The following GSTM2 variants were observed in gnomAD, a reference collection of about 807,000 sequenced individuals.
The protein encoded by GSTM2 is glutathione S-transferase mu 2.
A neutral mutation model predicts 33.3 loss-of-function variants in GSTM2; 33 were observed. The ratio of observed to expected loss-of-function variants is 0.99; its 90% CI spans 0.75 to 1.33. GSTM2 has a LOEUF of 1.33. Ranked by LOEUF, GSTM2 falls within the 40% of genes most tolerant of loss-of-function variation. The pLI, the probability that GSTM2 is intolerant of heterozygous loss-of-function variation, is 0.00. For missense variants in GSTM2, 213 were observed against 265.8 expected, an observed-to-expected ratio of 0.80 and a Z score of 1.38; for synonymous variants, 93 against 95.6, an observed-to-expected ratio of 0.97 and a Z score of 0.16.
chr1:109,668,245 T>G (rs1647406725), intron 1 of GSTM2, 94 bp downstream of exon 1: 9 of 1,410,212 alleles, frequency 6.4e-6, no homozygotes, highest in Middle Eastern at 2.3e-4. Context: ...CGGTTCCTCT[T>G]CAGGGCTGTC....
chr1:109,669,713 GGTGA>G lies in GSTM2; in HGVS notation c.360+146_360+149del, dbSNP rs1452513581. The G allele has an allele frequency of 1.3e-5, 8 of 624,810 alleles. No individual in the cohort carries two copies. The African/African-American group carries it at 1.3e-4, about 10-fold the overall frequency. The allele number at this position is 624,810 out of a possible 1,614,324, so 38.7% of individuals were successfully genotyped here. ...TAAGAATGAAGCCGCGGTCCTACAC[GGTGA>G]GTGTTACAGTTCTTAAAGATGGTGT... On this transcript the variant is annotated intron_variant, in intron 5 of 7. Transcript: ENST00000241337.
chr1:109,671,232 G>A (rs955292077), intron 5 of GSTM2, 55 bp from the exon 6 acceptor site: 185 of 1,281,080 alleles, frequency 1.4e-4, no homozygotes, highest in Non-Finnish European at 1.7e-4. Context: ...CTGGGAGGCC[G>A]CATCTGTGCA....
Position 109,669,490 on chromosome 1 carries a change from G to A in GSTM2, c.279G>A (p.Glu93=), listed in dbSNP as rs1263750707. 1.2e-6 allele frequency: 2 copies of A among 1,614,020 alleles called. No individual in the cohort carries two copies. Among genetic ancestry groups the A allele is most frequent in the Non-Finnish European group, 1.7e-6 (2 of 1,179,888 alleles). ...KHNLCGESEK[E]QIREDILENQ... is the part of the protein sequence containing the mutation. The stretch of plus-strand genomic sequence containing the variant: ...GGGTAGGCGGGGAATCAGAAAAGGA[G>A]CAGATTCGCGAAGACATTTTGGAGA... The change falls in exon 5 of 8, where the codon GAG becomes GAA. Residue 93 remains glutamate (E), a synonymous_variant. Transcript: ENST00000241337.
In GSTM2 at chr1:109,671,710, G is replaced by A. The variant is rs188012328; in HGVS notation, c.567+127G>A. ...TGGCCATGTGCGGTGGCTCACGCCT[G>A]TAATCTCAGCGCTTTGGAGGCTGAG... On this transcript the variant is annotated intron_variant, in intron 7 of 7. Transcript: ENST00000241337. 4.1e-6 allele frequency: 3 copies of A among 726,004 alleles called. No homozygotes were observed. The Admixed American group carries it at 5.9e-5, about 14-fold the overall frequency. The allele number at this position is 726,004 out of a possible 1,614,324, so 45.0% of individuals were successfully genotyped here. A position where few individuals can be genotyped will look rare whatever the true frequency, so the allele number is the denominator to read the frequency against.
chr1:109,668,113 A>G lies in GSTM2; in HGVS notation c.-3A>G, dbSNP rs766463755. The G allele has an allele frequency of 2.5e-6, 4 of 1,613,696 alleles. No individual in the cohort carries two copies. In the South Asian group the frequency reaches 3.3e-5, roughly 13 times the overall value. On this transcript the variant is annotated 5_prime_UTR_variant, in exon 1 of 8. Coordinates refer to ENST00000241337, the MANE Select transcript of GSTM2 (RefSeq NM_000848.4). ...GTCTGCAGAATCCACAGCAACCAGC[A>G]CCATGCCCATGACACTGGGGTACTG... is the stretch of plus-strand genomic sequence containing the variant.
downstream of GSTM2, among the ~76,000 whole-genome samples, chr1:109,677,626 G>A (rs1647737401): frequency 6.6e-6 from 1 of 152,212 alleles, no homozygotes; most frequent in South Asian, 2.1e-4. Flanking sequence ...TCAGAGGTCA[G>A]ATGATTGGTG....
chr1:109,675,902 C>G (rs538091634), downstream of GSTM2, among the ~76,000 whole-genome samples: 2 of 152,244 alleles, frequency 1.3e-5, no homozygotes, highest in East Asian at 3.9e-4. Context: ...AGAGACATAC[C>G]CGAGACTGGG....
chr1:109,673,070 A>G lies in GSTM2; in HGVS notation c.567+1487A>G, dbSNP rs112208171. 5.1e-5 allele frequency: 51 copies of G among 999,358 alleles called. 1 individual carries two copies. Among genetic ancestry groups the G allele is most frequent in the African/African-American group, 4.5e-4 (28 of 62,576 alleles). 61.9% of individuals were successfully genotyped at this position (999,358 alleles called of 1,614,324 possible). On this transcript the variant is annotated intron_variant, in intron 7 of 7. Transcript: ENST00000241337. ...TTTTTAGTAGAGATGGGGTTTTGCT[A>G]TGTTGGCCAGGCTGGTCTCAAACTC... is the stretch of plus-strand genomic sequence containing the variant.
At chr1:109,680,120 C>G (rs1647825371), downstream of GSTM2, among the ~76,000 whole-genome samples, 1 of 151,882 alleles carries the variant, frequency 6.6e-6, no homozygotes, top group African/African-American at 2.4e-5. Flanking sequence ...TCCTGCTTCT[C>G]TGTCCTGCAG....
chr1:109,678,939 T>A (rs533942301), downstream of GSTM2, among the ~76,000 whole-genome samples: 1 of 152,146 alleles, frequency 6.6e-6, no homozygotes, highest in African/African-American at 2.4e-5. Flanking sequence ...AGGGTGATCA[T>A]GTTTTGACTA....
At position 109,671,393 on chromosome 1, in the gene GSTM2, C is replaced by A; in HGVS notation, c.456+11C>A. 6.3e-7 allele frequency: 1 copy of A among 1,596,870 alleles called. No homozygotes were observed. The highest frequency in any genetic ancestry group is 8.6e-7 in the Non-Finnish European group (1 of 1,164,206). Reference sequence around the variant, plus strand: ...TTTCTTGGGGACAAGGTAATGGGGGCGTGTGATGGGGACACCACAGATTTG... The same window carrying A: ...TTTCTTGGGGACAAGGTAATGGGGGAGTGTGATGGGGACACCACAGATTTG... On this transcript the variant is annotated intron_variant, in intron 6 of 7. Transcript: ENST00000241337.
chr1:109,676,328 C>T (rs76277892), downstream of GSTM2, among the ~76,000 whole-genome samples: 2 of 152,274 alleles, frequency 1.3e-5, no homozygotes, highest in African/African-American at 4.8e-5. Flanking sequence ...AGTCTGACTG[C>T]ATCCTTTGCT....
rs147235683 is a variant in GSTM2 at position 109,669,345 on chromosome 1, G to A, written c.233G>A (p.Arg78Gln). 14 of 1,614,080 alleles carry A rather than the reference G, an allele frequency of 8.7e-6. No homozygotes were observed. Among genetic ancestry groups the A allele is most frequent in the Middle Eastern group, 1.6e-4 (1 of 6,084 alleles). The change falls in exon 4 of 8, where the codon CGG (arginine) becomes CAG (glutamine). Residue 78 changes from arginine (R) to glutamine (Q), a missense_variant. Transcript: ENST00000241337. The stretch of plus-strand genomic sequence containing the variant: ...ATCACCCAGAGCAACGCCATCCTGC[G>A]GTACATTGCCCGCAAGCACAACCTG... ...HKITQSNAIL[R>Q]YIARKHNLCG...
chr1:109,674,110 A>G (rs1277063169), intron 7 of GSTM2, among the ~76,000 whole-genome samples: 1 of 152,180 alleles, frequency 6.6e-6, no homozygotes, highest in Non-Finnish European at 1.5e-5. Flanking sequence ...GCCACTCCCC[A>G]TTCCACTTTC....
At position 109,674,737 on chromosome 1, in the gene GSTM2, C is replaced by G. The variant is rs369075806; in HGVS notation, c.568-10C>G. On this transcript the variant is annotated splice_polypyrimidine_tract_variant and intron_variant, in intron 7 of 7. Coordinates refer to ENST00000241337, the MANE Select transcript of GSTM2 (RefSeq NM_000848.4). The stretch of plus-strand genomic sequence containing the variant: ...ACCTTGAGTTCTGGCCTTATTTTCC[C>G]CCCTCTCAGGGCTTGGAGAAGATCT... The G allele has an allele frequency of 6.2e-7, 1 of 1,614,046 alleles. No homozygotes were observed.
At chr1:109,677,386 A>C (rs1362162612), downstream of GSTM2, among the ~76,000 whole-genome samples, 1 of 152,228 alleles carries the variant, frequency 6.6e-6, no homozygotes, top group African/African-American at 2.4e-5. Context: ...CAATAACTGA[A>C]AACAATCCAA....
downstream of GSTM2, among the ~76,000 whole-genome samples, chr1:109,678,363 C>T (rs1570632659): frequency 2.0e-5 from 3 of 152,198 alleles, no homozygotes; most frequent in South Asian, 2.1e-4. Flanking sequence ...TCTCAAACTC[C>T]GGGCCTCAAG....
chr1:109,668,650 C>T, intron 2 of GSTM2, 150 bp downstream of exon 2: 2 of 963,548 alleles, frequency 2.1e-6, no homozygotes, highest in Non-Finnish European at 3.3e-6. Flanking sequence ...GAGCTCCTTG[C>T]AAGGCAGAAT....
At chr1:109,673,850 C>T (rs1263828258) in intron 7 of GSTM2, among the ~76,000 whole-genome samples, 4 of 152,164 alleles carry the variant, frequency 2.6e-5, no homozygotes, top group Non-Finnish European at 4.4e-5. Context: ...CCACTCGTCT[C>T]GGCCTTCCAA....
Sources: gnomAD v4.1 joint callset for allele counts (sites outside exome capture counted in the v4.1 genomes callset) on GRCh38, gnomAD v4.1.1 for gene constraint, MANE v1.5 for transcripts, NCBI Gene and HGNC (gene_info 2026-07-23, HGNC 2026-07-21) for gene names.